The following LEPR variants were observed in gnomAD, a reference collection of about 807,000 sequenced individuals.
LEPR encodes the protein OB receptor.
Under a neutral mutation model 114.7 loss-of-function variants are expected in LEPR, and 56 were observed. That is an observed-to-expected ratio of 0.49 (90% CI 0.39 to 0.61). The LOEUF (loss-of-function observed/expected upper bound fraction) is 0.61, where lower values mean the gene tolerates loss of function less well. Among genes scored for constraint, LEPR ranks in the 20% least tolerant of loss-of-function variants. The pLI, the probability that LEPR is intolerant of heterozygous loss-of-function variation, is 0.00. For synonymous variants in LEPR, 443 were observed against 461.4 expected (o/e 0.96, Z 0.51); for missense variants, 1,202 against 1,352.9 (o/e 0.89, Z 1.75).
intron 19 of LEPR, among the ~76,000 whole-genome samples, chr1:65,624,738 G>A (rs1162159480): frequency 2.0e-5 from 3 of 152,250 alleles, no homozygotes; most frequent in Non-Finnish European, 1.5e-5. Context: ...CACAACATTC[G>A]AATGGCCTAT....
In LEPR at chr1:65,640,471, C is replaced by T. The variant is rs1186322188; in HGVS notation, c.*3456C>T. 1 of 152,138 alleles carries T rather than the reference C, an allele frequency of 6.6e-6. No homozygotes were observed. Among genetic ancestry groups the T allele is most frequent in the African/African-American group, 2.4e-5 (1 of 41,426 alleles). 9.4% of individuals were successfully genotyped at this position (152,138 alleles called of 1,614,324 possible). ...TTTTAAGTCACAAAATTATAGTTGT[C>T]CACTCTACTATGACTGAAAGAAGCA... is the stretch of plus-strand genomic sequence containing the variant. On this transcript the variant is annotated 3_prime_UTR_variant, in exon 20 of 20. Coordinates refer to ENST00000349533, the MANE Select transcript of LEPR (RefSeq NM_002303.6).
chr1:65,567,487 G>A (rs1653849760), intron 3 of LEPR, among the ~76,000 whole-genome samples: 1 of 152,106 alleles, frequency 6.6e-6, no homozygotes, highest in Non-Finnish European at 1.5e-5. Context: ...ATTGTAATAT[G>A]GATTTACTTT....
chr1:65,590,764 C>A (rs1249849658), intron 5 of LEPR, among the ~76,000 whole-genome samples: 2 of 151,986 alleles, frequency 1.3e-5, no homozygotes, highest in Non-Finnish European at 2.9e-5. Context: ...GTTTTAAAAT[C>A]TTTTAACCAG....
In LEPR at chr1:65,488,226, C is replaced by CTTTCTTTCTT. The variant is rs1165679914; in HGVS notation, c.-21+62849_-21+62850insTTCTTTCTTT. On this transcript the variant is annotated intron_variant, in intron 2 of 19. Transcript: ENST00000349533. ...TTTCTTTCTTTCTCTCTCTCTCTCT[C>CTTTCTTTCTT]TCTTTCTTTCTTTCTTTCTTTCTTT... Among the ~76,000 whole-genome samples, 125 of 67,940 alleles carry CTTTCTTTCTT rather than the reference C, an allele frequency of 1.8e-3. 7 individuals carry two copies. Among genetic ancestry groups the CTTTCTTTCTT allele is most frequent in the South Asian group, 4.0e-3 (7 of 1,750 alleles). The allele number at this position is 67,940 out of a possible 152,430, so 44.6% of individuals were successfully genotyped here.
intron 4 of LEPR, among the ~76,000 whole-genome samples, chr1:65,571,070 A>G (rs1054670365): frequency 2.0e-5 from 3 of 152,166 alleles, no homozygotes; most frequent in Non-Finnish European, 4.4e-5. Flanking sequence ...AACACACCTT[A>G]TTTTTGTTAA....
At chr1:65,592,343 G>GA (rs141940216) in intron 5 of LEPR, among the ~76,000 whole-genome samples, 21,226 of 138,994 alleles carry the variant, frequency 0.15, 1,942 homozygotes, top group Middle Eastern at 0.24. Flanking sequence ...TGGTATGTCT[G>GA]AAAAAAAAAG....
intron 2 of LEPR, among the ~76,000 whole-genome samples, chr1:65,426,594 G>C (rs758271106): frequency 1.3e-5 from 2 of 152,088 alleles, no homozygotes; most frequent in African/African-American, 2.4e-5. Context: ...AGGAGAGTGA[G>C]TTAGGAAACC....
At chr1:65,421,520 G>T (rs1416658133) in intron 1 of LEPR, 2 of 1,528,606 alleles carry the variant, frequency 1.3e-6, no homozygotes, top group Admixed American at 3.9e-5. Flanking sequence ...TTTTATATTG[G>T]CTTTTATATC....
intron 2 of LEPR, among the ~76,000 whole-genome samples, chr1:65,497,376 T>A (rs1318705162): frequency 2.6e-5 from 4 of 152,180 alleles, no homozygotes; most frequent in African/African-American, 9.7e-5. Context: ...TGTTTCTTAT[T>A]CCACATGACA....
intron 2 of LEPR, among the ~76,000 whole-genome samples, chr1:65,540,024 T>C (rs1371855016): frequency 6.6e-6 from 1 of 152,162 alleles, no homozygotes; most frequent in African/African-American, 2.4e-5. Context: ...CTAGTCAAAG[T>C]TCATTTCAGT....
intron 2 of LEPR, chr1:65,432,947 A>T (rs1481158136): frequency 1.0e-6 from 1 of 984,388 alleles, no homozygotes; most frequent in Non-Finnish European, 1.2e-6. Flanking sequence ...TAATCAAAAT[A>T]AAAAACAAAA....
chr1:65,514,892 A>T (rs905824644), intron 2 of LEPR, among the ~76,000 whole-genome samples: 3 of 152,258 alleles, frequency 2.0e-5, no homozygotes, highest in African/African-American at 7.2e-5. Context: ...AACAACATTA[A>T]TAAGACATAA....
At chr1:65,451,111 T>A (rs1028463671) in intron 2 of LEPR, among the ~76,000 whole-genome samples, 2 of 152,114 alleles carry the variant, frequency 1.3e-5, no homozygotes, top group African/African-American at 4.8e-5. Context: ...TTTGCCCACT[T>A]TTTGATGGGG....
At chr1:65,507,741 A>G (rs1326463521) in intron 2 of LEPR, among the ~76,000 whole-genome samples, 3 of 151,940 alleles carry the variant, frequency 2.0e-5, no homozygotes, top group Non-Finnish European at 2.9e-5. Flanking sequence ...ATCTATTTTT[A>G]GTTTTCATAT....
chr1:65,601,744 C>G (rs1432847715), intron 9 of LEPR, 62 bp downstream of exon 9: 1 of 1,608,296 alleles, frequency 6.2e-7, no homozygotes, highest in East Asian at 2.2e-5. Context: ...ATGGACCCTC[C>G]TTATATTAGA....
rs556845907 is a variant in LEPR, at chr1:65,574,336, A to G, written c.494+1887A>G. Among the ~76,000 whole-genome samples the G allele has an allele frequency of 5.5e-4, 84 of 152,348 alleles. 1 individual carries two copies. Among genetic ancestry groups the G allele is most frequent in the Non-Finnish European group, 1.1e-3 (75 of 68,032 alleles). Reference sequence around the variant, plus strand: ...TGGTTGCAGCACACCAACATGGCACATGTATACATATGTAACAAACCTGCA... The same window carrying G: ...TGGTTGCAGCACACCAACATGGCACGTGTATACATATGTAACAAACCTGCA... On this transcript the variant is annotated intron_variant, in intron 5 of 19. Transcript: ENST00000349533.
At chr1:65,498,443 CA>C (rs920914413) in intron 2 of LEPR, among the ~76,000 whole-genome samples, 2 of 150,988 alleles carry the variant, frequency 1.3e-5, no homozygotes, top group Admixed American at 1.3e-4. Flanking sequence ...AATACTATTA[CA>C]AAAAAAACTG....
chr1:65,483,946 CTT>C (rs537664644), intron 2 of LEPR, among the ~76,000 whole-genome samples: 2 of 147,624 alleles, frequency 1.4e-5, no homozygotes. Flanking sequence ...CCCTTCTCTC[CTT>C]TTTTTTTTGA....
At chr1:65,577,101 G>A (rs1298182683) in intron 5 of LEPR, 5 of 185,596 alleles carry the variant, frequency 2.7e-5, no homozygotes, top group Non-Finnish European at 4.5e-5. Flanking sequence ...GTAGGCTAGC[G>A]TGTTGGCACT....
Sources: gnomAD v4.1 joint callset for allele counts (sites outside exome capture counted in the v4.1 genomes callset) on GRCh38, gnomAD v4.1.1 for gene constraint, MANE v1.5 for transcripts, NCBI Gene and HGNC (gene_info 2026-07-23, HGNC 2026-07-21) for gene names.